Variants in ERGIC1 observed in about 807,000 individuals in gnomAD.
ERGIC1 encodes endoplasmic reticulum-golgi intermediate compartment 1.
A neutral mutation model predicts 38.3 loss-of-function variants in ERGIC1; 19 were observed. The observed-to-expected ratio is 0.50, with a 90% confidence interval of 0.35 to 0.73. The LOEUF (loss-of-function observed/expected upper bound fraction) is 0.73, where lower values mean the gene tolerates loss of function less well. Ranked by LOEUF, ERGIC1 falls within the 30% of genes least tolerant of loss-of-function variation. The probability of loss-of-function intolerance (pLI) is 0.01; values close to 1 mark genes in which losing one functional copy is unlikely to be tolerated. For missense variants in ERGIC1, 294 were observed against 389.2 expected (o/e 0.76, Z 2.06); for synonymous variants, 124 against 157.6 (o/e 0.79, Z 1.60).
rs148858616 is a variant in ERGIC1, at chr5:172,837,760, G to T, written c.20+3327G>T. On this transcript the variant is annotated intron_variant, in intron 1 of 9. Coordinates refer to ENST00000393784, the MANE Select transcript of ERGIC1 (RefSeq NM_001031711.3). This position sits in a 1 kb window ranked among gnomAD's most constrained non-coding sequence, Gnocchi z 4.3. ...GAGCTTTCAATGATTTATTGTGTTT[G>T]CTTTGCTCTTGTTAAATTGTTTCAC... Among the ~76,000 whole-genome samples, 394 of 152,364 alleles carry T rather than the reference G, an allele frequency of 2.6e-3. 8 individuals carry two copies. Among genetic ancestry groups the T allele is most frequent in the Non-Finnish European group, 1.0e-3 (70 of 68,036 alleles).
intron 9 of ERGIC1, among the ~76,000 whole-genome samples, chr5:172,942,984 G>A (rs1657588848): frequency 6.6e-6 from 1 of 152,184 alleles, no homozygotes; most frequent in Admixed American, 6.5e-5. Context: ...TTCCGGCTGG[G>A]AATGAGGGCA....
rs1423545379 is a variant in ERGIC1 at position 172,952,046 on chromosome 5, C to T, written c.*1230C>T. On this transcript the variant is annotated 3_prime_UTR_variant, in exon 10 of 10. Coordinates refer to ENST00000393784, the MANE Select transcript of ERGIC1 (RefSeq NM_001031711.3). ...TCCCTACCCTGCTGCTCCTCTTCAT[C>T]CTTTCCCTTTTGTCCTGAAAGGGAG... 6.6e-6 allele frequency: 1 copy of T among 152,252 alleles called. No homozygotes were observed. Among genetic ancestry groups the T allele is most frequent in the Admixed American group, 6.5e-5 (1 of 15,284 alleles). 9.4% of individuals were successfully genotyped at this position (152,252 alleles called of 1,614,324 possible).
intron 1 of ERGIC1, among the ~76,000 whole-genome samples, chr5:172,858,365 T>C (rs1439325146): frequency 6.6e-6 from 1 of 152,114 alleles, no homozygotes; most frequent in Non-Finnish European, 1.5e-5. Flanking sequence ...CCTTACAGGG[T>C]GGTGAGCAGA....
intron 3 of ERGIC1, among the ~76,000 whole-genome samples, chr5:172,908,751 T>C (rs1763121885): frequency 6.6e-6 from 1 of 152,094 alleles, no homozygotes; most frequent in South Asian, 2.1e-4. Flanking sequence ...CATAAGACAA[T>C]AAATGTGTGT....
chr5:172,948,847 G>A (rs576219615), intron 9 of ERGIC1, among the ~76,000 whole-genome samples: 26 of 152,224 alleles, frequency 1.7e-4, no homozygotes, highest in Non-Finnish European at 3.2e-4. Context: ...CCAGGAGTTC[G>A]AGACCAGCCT....
chr5:172,927,108 C>T (rs570411820), intron 7 of ERGIC1: 2 of 161,008 alleles, frequency 1.2e-5, no homozygotes, highest in East Asian at 3.6e-4. Context: ...AACCGCACAT[C>T]TCCACACGCA....
At position 172,952,016 on chromosome 5, in the gene ERGIC1, G is replaced by A. The variant is rs1282385587; in HGVS notation, c.*1200G>A. On this transcript the variant is annotated 3_prime_UTR_variant, in exon 10 of 10. Coordinates refer to ENST00000393784, the MANE Select transcript of ERGIC1 (RefSeq NM_001031711.3). ...CCAGGGTGCCCCACCTGCTCCTGAG[G>A]TGGGTCCCTACCCTGCTGCTCCTCT... 2 of 152,224 alleles carry A rather than the reference G, an allele frequency of 1.3e-5. No homozygotes were observed. Among genetic ancestry groups the A allele is most frequent in the African/African-American group, 4.8e-5 (2 of 41,450 alleles). 9.4% of individuals were successfully genotyped at this position (152,224 alleles called of 1,614,324 possible).
At chr5:172,880,399 A>G (rs1762251561) in intron 1 of ERGIC1, among the ~76,000 whole-genome samples, 1 of 151,814 alleles carries the variant, frequency 6.6e-6, no homozygotes, top group South Asian at 2.1e-4. Context: ...ATCTCAGCTC[A>G]CTGCAGCCTG....
At chr5:172,871,757 C>A (rs1298582141) in intron 1 of ERGIC1, among the ~76,000 whole-genome samples, 1 of 152,116 alleles carries the variant, frequency 6.6e-6, no homozygotes, top group Non-Finnish European at 1.5e-5. Flanking sequence ...AGAATGTTGG[C>A]GGGCAGTGGG....
At chr5:172,850,997 C>T (rs992541301) in intron 1 of ERGIC1, among the ~76,000 whole-genome samples, 5 of 151,558 alleles carry the variant, frequency 3.3e-5, no homozygotes, top group Non-Finnish European at 5.9e-5. Flanking sequence ...GCCAGGAGTT[C>T]GAGACCAGCC....
rs58360974 is a variant in ERGIC1, at chr5:172,910,520, CTTTTTTTTTT to C, written c.250+771_250+780del. Among the ~76,000 whole-genome samples, 560 of 138,900 alleles carry C rather than the reference CTTTTTTTTTT, an allele frequency of 4.0e-3. 3 individuals carry two copies. The highest frequency in any genetic ancestry group is 0.013 in the African/African-American group (472 of 35,538). The allele number at this position is 138,900 out of a possible 152,430, so 91.1% of individuals were successfully genotyped here. The stretch of plus-strand genomic sequence containing the variant: ...TTTTAACCAAAAGAATGAATTACTT[CTTTTTTTTTT>C]TTTTTTTTTTTGAGACGGAGTTTCA... On this transcript the variant is annotated intron_variant, in intron 4 of 9. Transcript: ENST00000393784.
chr5:172,910,540 T>C (rs1581566091), intron 4 of ERGIC1, among the ~76,000 whole-genome samples: 2 of 125,560 alleles, frequency 1.6e-5, no homozygotes, highest in South Asian at 2.5e-4. Flanking sequence ...TTTTTTTTTT[T>C]TGAGACGGAG....
chr5:172,889,681 G>A (rs1762511068), intron 2 of ERGIC1, among the ~76,000 whole-genome samples: 1 of 152,240 alleles, frequency 6.6e-6, no homozygotes, highest in Non-Finnish European at 1.5e-5. Flanking sequence ...ATAAATGGGG[G>A]AGAAGAGACA....
intron 1 of ERGIC1, among the ~76,000 whole-genome samples, chr5:172,852,280 C>T (rs1581511712): frequency 6.6e-6 from 1 of 152,330 alleles, no homozygotes; most frequent in East Asian, 1.9e-4. Context: ...TTCCAAAACG[C>T]AGGCAGGGTC....
Position 172,840,939 on chromosome 5 carries a change from C to T in ERGIC1, c.20+6506C>T, listed in dbSNP as rs1433894131. ...GTGTCCCTCCATGCCGCACTGGCTG[C>T]CTCACTGAGGACTCTGAAGAGTCCG... On this transcript the variant is annotated intron_variant, in intron 1 of 9. Coordinates refer to ENST00000393784, the MANE Select transcript of ERGIC1 (RefSeq NM_001031711.3). 2.6e-5 allele frequency among the ~76,000 whole-genome samples: 4 copies of T among 152,174 alleles called. No individual in the cohort carries two copies. In the East Asian group the frequency reaches 5.8e-4, roughly 22 times the overall value.
chr5:172,932,047 C>T (rs1326377672), intron 7 of ERGIC1, among the ~76,000 whole-genome samples: 5 of 151,586 alleles, frequency 3.3e-5, no homozygotes, highest in African/African-American at 9.7e-5. Context: ...TTAGTAGAGA[C>T]GGGGTTTCAC....
At chr5:172,839,240 CA>C (rs1265161853) in intron 1 of ERGIC1, among the ~76,000 whole-genome samples, 18,548 of 71,178 alleles carry the variant, frequency 0.26, 1,179 homozygotes, top group East Asian at 0.38. Flanking sequence ...GACTCTGTCT[CA>C]AAAAAAAAAA....
intron 9 of ERGIC1, among the ~76,000 whole-genome samples, chr5:172,938,159 A>T (rs1763927261): frequency 6.6e-6 from 1 of 152,148 alleles, no homozygotes; most frequent in Non-Finnish European, 1.5e-5. Flanking sequence ...GGGATTTGTG[A>T]GCAAATGATT....
chr5:172,912,387 TG>T (rs1413379057), intron 4 of ERGIC1, among the ~76,000 whole-genome samples: 1 of 152,190 alleles, frequency 6.6e-6, no homozygotes, highest in Non-Finnish European at 1.5e-5. Flanking sequence ...GGTGTTTAAA[TG>T]GTGTTTTGTT....
Sources: gnomAD v4.1 joint callset for allele counts (sites outside exome capture counted in the v4.1 genomes callset) on GRCh38, gnomAD v4.1.1 for gene constraint, Gnocchi (gnomAD v3.1) non-coding constraint, MANE v1.5 for transcripts, NCBI Gene and HGNC (gene_info 2026-07-23, HGNC 2026-07-21) for gene names.